Variants in MGAT5B observed in about 807,000 individuals in gnomAD.
The protein encoded by MGAT5B is alpha-1,6-mannosylglycoprotein 6-beta-N-acetylglucosaminyltransferase B, also known as N-acetylglucosaminyl-transferase Vb.
Under a neutral mutation model 95.1 loss-of-function variants are expected in MGAT5B, and 54 were observed. The observed-to-expected ratio is 0.57, with a 90% CI of 0.46 to 0.71. The LOEUF (loss-of-function observed/expected upper bound fraction) is 0.71. Ranked by LOEUF, MGAT5B falls within the 30% of genes least tolerant of loss-of-function variation. The pLI is 0.00. For missense variants in MGAT5B, 935 were observed against 1,088.6 expected, an observed-to-expected ratio of 0.86 and a Z score of 1.99; for synonymous variants, 464 against 451.0, an observed-to-expected ratio of 1.03 and a Z score of -0.36.
At chr17:76,895,900 T>G (rs1050502137) in intron 3 of MGAT5B, among the ~76,000 whole-genome samples, 1 of 152,268 alleles carries the variant, frequency 6.6e-6, no homozygotes, top group African/African-American at 2.4e-5. Flanking sequence ...GGGGTTTTTT[T>G]GTCCCCCGAT....
intron 10 of MGAT5B, 78 bp downstream of exon 10, chr17:76,926,808 G>T: frequency 1.3e-6 from 2 of 1,523,416 alleles, no homozygotes; most frequent in Non-Finnish European, 1.8e-6. Flanking sequence ...GGCGGCCAGG[G>T]TCTCGCTCCT....
intron 11 of MGAT5B, 101 bp downstream of exon 11, chr17:76,932,876 G>A (rs1969539765): frequency 1.0e-5 from 15 of 1,485,194 alleles, no homozygotes; most frequent in South Asian, 6.4e-5. Context: ...CCCTCCTCCC[G>A]CCCCAGCCCT....
At chr17:76,924,838 T>C in intron 8 of MGAT5B, 128 bp from the exon 9 acceptor site, 1 of 1,226,538 alleles carries the variant, frequency 8.2e-7, no homozygotes, top group Middle Eastern at 2.0e-4. Context: ...TCCTGCTCAC[T>C]TCCTTTCTGA....
At chr17:76,936,386 C>A (rs141417751) in intron 12 of MGAT5B, among the ~76,000 whole-genome samples, 1,554 of 152,122 alleles carry the variant, frequency 0.01, 28 homozygotes, top group African/African-American at 0.035. Context: ...CCAGCCTGGG[C>A]GACAGAGGGA....
At chr17:76,888,810 C>T (rs1033424175) in intron 3 of MGAT5B, among the ~76,000 whole-genome samples, 3 of 152,270 alleles carry the variant, frequency 2.0e-5, no homozygotes, top group East Asian at 1.9e-4. Flanking sequence ...ACTGGAGGGC[C>T]GCGTTGGTGG....
intron 1 of MGAT5B, 177 bp from the exon 2 acceptor site, chr17:76,872,674 T>C: frequency 6.6e-7 from 1 of 1,514,968 alleles, no homozygotes; most frequent in Non-Finnish European, 8.9e-7. Flanking sequence ...GAGCTCTCTT[T>C]ATCCTATAGT....
rs1258561060 is a variant in MGAT5B at position 76,938,256 on chromosome 17, CA to C, written c.1584+114del. 3 of 1,377,150 alleles carry C rather than the reference CA, an allele frequency of 2.2e-6. No individual in the cohort carries two copies. Among genetic ancestry groups the C allele is most frequent in the African/African-American group, 2.9e-5 (2 of 69,862 alleles). 85.3% of individuals were successfully genotyped at this position (1,377,150 alleles called of 1,614,324 possible). On this transcript the variant is annotated intron_variant, in intron 13 of 17. Coordinates refer to ENST00000569840, the MANE Select transcript of MGAT5B (RefSeq NM_001199172.2). The surrounding 1 kb of genome is among the most constrained non-coding windows in gnomAD (Gnocchi z 4.3). The stretch of plus-strand genomic sequence containing the variant: ...CCTTCCACATATGGACATACCCCAG[CA>C]TGCTCTGCTGCCCTGAGCCCCACAT...
chr17:76,946,339 T>C (rs758785067), intron 15 of MGAT5B, 37 bp from the exon 16 acceptor site: 2 of 1,566,358 alleles, frequency 1.3e-6, no homozygotes, highest in Non-Finnish European at 1.7e-6. Flanking sequence ...CGGCTGGGCC[T>C]TCTCCCGCCC....
At chr17:76,875,050 C>G (rs749237355) in intron 2 of MGAT5B, among the ~76,000 whole-genome samples, 7 of 152,172 alleles carry the variant, frequency 4.6e-5, no homozygotes, top group Non-Finnish European at 1.0e-4. Flanking sequence ...AGAGCAAGGA[C>G]CAGAACGTGA....
rs752515560 is a variant in MGAT5B, at chr17:76,948,579, G to A, written c.2181-61G>A. ...CTAGGCTGGGGGCAGCCCCTACCCC[G>A]CCCCAGCCCTTCTGCCCAAGTGACC... On this transcript the variant is annotated intron_variant, in intron 17 of 17. Coordinates refer to ENST00000569840, the MANE Select transcript of MGAT5B (RefSeq NM_001199172.2). The A allele has an allele frequency of 6.1e-5, 91 of 1,482,320 alleles. No homozygotes were observed. In the Middle Eastern group the frequency reaches 6.9e-4, roughly 11 times the overall value. 91.8% of individuals were successfully genotyped at this position (1,482,320 alleles called of 1,614,324 possible).
intron 3 of MGAT5B, among the ~76,000 whole-genome samples, chr17:76,887,701 G>C: frequency 6.6e-6 from 1 of 151,026 alleles, no homozygotes. Context: ...TTACAGGCGT[G>C]CACCACCATG....
chr17:76,897,224 C>A (rs1316403912), intron 3 of MGAT5B, among the ~76,000 whole-genome samples: 1 of 151,798 alleles, frequency 6.6e-6, no homozygotes, highest in Non-Finnish European at 1.5e-5. Flanking sequence ...GTCCTGGACT[C>A]TCTTTTGCGG....
At chr17:76,882,705 CTTTT>C (rs763528809) in intron 3 of MGAT5B, among the ~76,000 whole-genome samples, 24 of 70,164 alleles carry the variant, frequency 3.4e-4, no homozygotes, top group East Asian at 7.2e-4. Flanking sequence ...TCCACTGCCC[CTTTT>C]TTTTTTTTTT....
intron 11 of MGAT5B, among the ~76,000 whole-genome samples, chr17:76,933,034 A>G (rs911440279): frequency 4.6e-5 from 7 of 152,028 alleles, no homozygotes; most frequent in African/African-American, 1.4e-4. Context: ...TAAATCTTCC[A>G]CCCTTCCAAG....
rs1210964121 is a variant in MGAT5B, at chr17:76,899,750, T to G, written c.330-2805T>G. ...ATGGAAAGCAGCTCCACGGGCTTCA[T>G]CTGGACTGATGTCAGAGCCTGGCAG... On this transcript the variant is annotated intron_variant, in intron 3 of 17. Coordinates refer to ENST00000569840, the MANE Select transcript of MGAT5B (RefSeq NM_001199172.2). Among the ~76,000 whole-genome samples, 3 of 152,044 alleles carry G rather than the reference T, an allele frequency of 2.0e-5. No individual in the cohort carries two copies. In the East Asian group the frequency reaches 5.8e-4, roughly 29 times the overall value.
rs112530823 is a variant in MGAT5B, at chr17:76,893,065, T to C, written c.330-9490T>C. 6.8e-4 allele frequency among the ~76,000 whole-genome samples: 104 copies of C among 152,296 alleles called. 2 individuals are homozygous for C. Among genetic ancestry groups the C allele is most frequent in the African/African-American group, 2.3e-3 (96 of 41,554 alleles). On this transcript the variant is annotated intron_variant, in intron 3 of 17. Transcript: ENST00000569840. ...ACATCCCGGAGCTGCCCAGCTCACC[T>C]GTTACTGCACGCACAGTACGGGCTC...
In MGAT5B at chr17:76,906,233, G is replaced by T; in HGVS notation, c.1025+46G>T. On this transcript the variant is annotated intron_variant, in intron 8 of 17. Coordinates refer to ENST00000569840, the MANE Select transcript of MGAT5B (RefSeq NM_001199172.2). The surrounding 1 kb of genome is among the most constrained non-coding windows in gnomAD (Gnocchi z 4.6). ...CTGGCATTAAGTGGGGCAGGGAGGG[G>T]ATGAAGGGGAACCCCACCCCTCCCT... 1.3e-6 allele frequency: 2 copies of T among 1,544,994 alleles called. No homozygotes were observed.
Position 76,918,358 on chromosome 17 carries a change from G to A in MGAT5B, c.1026-6608G>A, listed in dbSNP as rs529860427. On this transcript the variant is annotated intron_variant, in intron 8 of 17. Coordinates refer to ENST00000569840, the MANE Select transcript of MGAT5B (RefSeq NM_001199172.2). This position sits in a 1 kb window ranked among gnomAD's most constrained non-coding sequence, Gnocchi z 5.1. ...TTCTCAGCTGTAGCCCTGAACCCTC[G>A]AGGGCACAGGGTACATGCTGGGGAT... 6.6e-6 allele frequency among the ~76,000 whole-genome samples: 1 copy of A among 152,132 alleles called. No individual in the cohort carries two copies. The highest frequency in any genetic ancestry group is 1.5e-5 in the Non-Finnish European group (1 of 68,028).
intron 5 of MGAT5B, among the ~76,000 whole-genome samples, chr17:76,903,664 C>T (rs1968407311): frequency 6.6e-6 from 1 of 152,220 alleles, no homozygotes; most frequent in South Asian, 2.1e-4. Context: ...CTCCTCCTGG[C>T]CCAGCCAACA....
Sources: allele counts gnomAD v4.1 joint callset (sites outside exome capture counted in the v4.1 genomes callset), GRCh38; gene constraint gnomAD v4.1.1; non-coding constraint Gnocchi (gnomAD v3.1); transcripts MANE v1.5; gene names NCBI Gene and HGNC (gene_info 2026-07-23, HGNC 2026-07-21).